Variants in VAV2 observed in about 807,000 individuals in gnomAD.
The protein encoded by VAV2 is vav guanine nucleotide exchange factor 2.
In VAV2, 67 loss-of-function variants were observed where a neutral mutation model predicts 132.5. The ratio of observed to expected loss-of-function variants is 0.51; its 90% CI spans 0.42 to 0.62. The LOEUF (loss-of-function observed/expected upper bound fraction) is 0.62, where lower values mean the gene tolerates loss of function less well. Ranked by LOEUF, VAV2 falls within the 20% of genes least tolerant of loss-of-function variation. The probability of loss-of-function intolerance (pLI) is 0.00; values close to 1 mark genes in which losing one functional copy is unlikely to be tolerated. For missense variants in VAV2, 938 were observed against 1,153.6 expected (o/e 0.81, Z 2.71); for synonymous variants, 492 against 443.5 (o/e 1.11, Z -1.37).
In VAV2 at chr9:133,769,587, C is replaced by A; in HGVS notation, c.2348-84G>T. On this transcript the variant is annotated intron_variant, in intron 27 of 29. Transcript: ENST00000371850. This position sits in a 1 kb window ranked among gnomAD's most constrained non-coding sequence, Gnocchi z 8.1. ...GTGGGCACAGCTACAGGCCGGGGGG[C>A]ATGGGGTGGGGCAGGCCCTTTGGCA... 1.4e-6 allele frequency: 2 copies of A among 1,404,272 alleles called. No individual in the cohort carries two copies. The highest frequency in any genetic ancestry group is 1.9e-6 in the Non-Finnish European group (2 of 1,027,278). 87.0% of individuals were successfully genotyped at this position (1,404,272 alleles called of 1,614,324 possible).
intron 3 of VAV2, among the ~76,000 whole-genome samples, chr9:133,842,581 AAC>A (rs1836768062): frequency 1.3e-5 from 2 of 152,216 alleles, no homozygotes; most frequent in Admixed American, 1.3e-4. Context: ...GATGGCAGAC[AAC>A]AGTGTTTCCA....
At chr9:133,944,666 G>A (rs1841295632) in intron 1 of VAV2, among the ~76,000 whole-genome samples, 1 of 152,226 alleles carries the variant, frequency 6.6e-6, no homozygotes, top group African/African-American at 2.4e-5. Flanking sequence ...GGAGTGGCCG[G>A]GATGCAAAAG....
rs190128672 is a variant in VAV2, at chr9:133,922,551, C to T, written c.321+16552G>A. Among the ~76,000 whole-genome samples the T allele has an allele frequency of 1.5e-4, 23 of 152,288 alleles. No individual in the cohort carries two copies. In the East Asian group the frequency reaches 2.7e-3, roughly 18 times the overall value. ...TGAACCAAACACTTGTCCTCAGGTA[C>T]GTGGCTGAGTGACTTCTCACAAAGA... On this transcript the variant is annotated intron_variant, in intron 2 of 29. Transcript: ENST00000371850.
At position 133,768,567 on chromosome 9, in the gene VAV2, C is replaced by T; in HGVS notation, c.2464G>A (p.Val822Met). ...VFTPRVIGTA[V>M]ARYNFAARDM... ...CGGGCGGCAAAGTTATACCTGGCCA[C>T]AGCTGTGCCGATGACGCGGGGCGTG... is the stretch of plus-strand genomic sequence containing the variant. Residue 822 changes from valine to methionine, a missense_variant, in exon 29 of 30, where the codon GTG (valine) becomes ATG (methionine). By Grantham distance (21) the Val-to-Met change is conservative. Transcript: ENST00000371850. The surrounding 1 kb of genome is among the most constrained non-coding windows in gnomAD (Gnocchi z 5.3). The T allele has an allele frequency of 6.2e-7, 1 of 1,614,044 alleles. No homozygotes were observed. The highest frequency in any genetic ancestry group is 1.3e-5 in the African/African-American group (1 of 75,048).
chr9:133,896,644 G>A (rs751717880), intron 2 of VAV2, among the ~76,000 whole-genome samples: 25 of 152,124 alleles, frequency 1.6e-4, no homozygotes, highest in Middle Eastern at 3.2e-3. Context: ...CATTGGATCC[G>A]AGCGCCACTT....
At chr9:133,792,677 GA>G (rs1343434338) in intron 12 of VAV2, among the ~76,000 whole-genome samples, 2 of 58,610 alleles carry the variant, frequency 3.4e-5, no homozygotes, top group South Asian at 6.5e-4. Context: ...GCCCCCAAGG[GA>G]CCCCCCCCCC....
At chr9:133,858,304 C>T (rs1023739176) in intron 3 of VAV2, among the ~76,000 whole-genome samples, 5 of 152,188 alleles carry the variant, frequency 3.3e-5, no homozygotes, top group Middle Eastern at 3.2e-3. Context: ...CACAGGCATG[C>T]CCAACCCCAC....
intron 2 of VAV2, among the ~76,000 whole-genome samples, chr9:133,927,075 C>T (rs113047487): frequency 6.6e-4 from 99 of 151,064 alleles, no homozygotes; most frequent in African/African-American, 2.4e-3. Context: ...TGAGTCCCCC[C>T]CTACACATGC....
chr9:133,966,762 C>T (rs952003670), intron 1 of VAV2, among the ~76,000 whole-genome samples: 36 of 151,520 alleles, frequency 2.4e-4, no homozygotes, highest in African/African-American at 8.0e-4. Flanking sequence ...GGGCCGAGCA[C>T]GATGGCTCAT....
intron 4 of VAV2, among the ~76,000 whole-genome samples, chr9:133,822,812 A>G (rs1029667715): frequency 7.7e-5 from 11 of 143,488 alleles, no homozygotes; most frequent in South Asian, 2.3e-4. Flanking sequence ...AAAAAAGAAC[A>G]GCCCCTGGGC....
chr9:133,907,842 G>C (rs1274268486), intron 2 of VAV2, among the ~76,000 whole-genome samples: 2 of 151,676 alleles, frequency 1.3e-5, no homozygotes, highest in East Asian at 3.9e-4. Context: ...AGAGCCGGGG[G>C]CGCCCCTCCC....
rs1015626938 is a variant in VAV2 at position 133,895,075 on chromosome 9, G to C, written c.322-33643C>G. 2.0e-5 allele frequency among the ~76,000 whole-genome samples: 3 copies of C among 152,066 alleles called. No homozygotes were observed. In the South Asian group the frequency reaches 6.2e-4, roughly 31 times the overall value. On this transcript the variant is annotated intron_variant, in intron 2 of 29. Coordinates refer to ENST00000371850, the MANE Select transcript of VAV2 (RefSeq NM_001134398.2). ...AGGGCGGCAAGAAAGAGGGAGTCAA[G>C]CTCCAAGCCGAGGCACCGAGGGCCG...
intron 1 of VAV2, among the ~76,000 whole-genome samples, chr9:133,987,513 G>A (rs1052309358): frequency 5.9e-5 from 9 of 152,252 alleles, no homozygotes; most frequent in African/African-American, 1.9e-4. Context: ...CAAAACCATC[G>A]CCAGGCTGGC....
intron 25 of VAV2, 53 bp downstream of exon 25, chr9:133,774,882 C>A: frequency 1.3e-6 from 2 of 1,529,512 alleles, no homozygotes. Context: ...GTGCTCTCCA[C>A]TTCAGAACGG....
At chr9:133,812,252 G>C in intron 4 of VAV2, 36 bp from the exon 5 acceptor site, 1 of 1,590,346 alleles carries the variant, frequency 6.3e-7, no homozygotes, top group Non-Finnish European at 8.6e-7. Flanking sequence ...GGGAGGGGAG[G>C]CTCCCGCCAC....
At chr9:133,782,714 G>A (rs1834054427) in intron 19 of VAV2, among the ~76,000 whole-genome samples, 1 of 152,332 alleles carries the variant, frequency 6.6e-6, no homozygotes, top group Middle Eastern at 3.4e-3. Context: ...GCCACCGGGG[G>A]CTCTTTGTTG....
intron 2 of VAV2, among the ~76,000 whole-genome samples, chr9:133,867,143 G>T (rs1175206208): frequency 6.6e-6 from 1 of 152,130 alleles, no homozygotes; most frequent in African/African-American, 2.4e-5. Flanking sequence ...GTCTGCTGAG[G>T]GTCCCGGCGC....
At chr9:133,979,729 GC>G (rs966814496) in intron 1 of VAV2, among the ~76,000 whole-genome samples, 6 of 152,188 alleles carry the variant, frequency 3.9e-5, no homozygotes, top group African/African-American at 9.7e-5. Context: ...CTTTGCCAGG[GC>G]CCCGAGCTCC....
chr9:133,791,491 G>T (rs544585668), intron 13 of VAV2, among the ~76,000 whole-genome samples: 1 of 152,160 alleles, frequency 6.6e-6, no homozygotes, highest in Non-Finnish European at 1.5e-5. Flanking sequence ...GGGGGAGAAG[G>T]GGGGCTGGGC....
Sources: allele counts gnomAD v4.1 joint callset (sites outside exome capture counted in the v4.1 genomes callset), GRCh38; gene constraint gnomAD v4.1.1; non-coding constraint Gnocchi (gnomAD v3.1); transcripts MANE v1.5; gene names NCBI Gene and HGNC (gene_info 2026-07-23, HGNC 2026-07-21).